The following ANO6 variants were observed in gnomAD, a reference collection of about 807,000 sequenced individuals.
ANO6 encodes the protein anoctamin-6.
In ANO6, 106 loss-of-function variants were observed where a neutral mutation model predicts 117.5. The ratio of observed to expected loss-of-function variants is 0.90; its 90% confidence interval spans 0.77 to 1.06. ANO6 has a LOEUF of 1.06. Ranked by LOEUF, ANO6 falls within the 50% of genes least tolerant of loss-of-function variation. The pLI, the probability that ANO6 is intolerant of heterozygous loss-of-function variation, is 0.00. For missense variants in ANO6, 955 were observed against 1,121.1 expected (o/e 0.85, Z 2.12); for synonymous variants, 367 against 385.1 (o/e 0.95, Z 0.55).
chr12:45,249,200 G>C (rs1947867302), intron 1 of ANO6, among the ~76,000 whole-genome samples: 1 of 152,160 alleles, frequency 6.6e-6, no homozygotes, highest in Non-Finnish European at 1.5e-5. Context: ...AGTTTGAACT[G>C]AAACTGCAGC....
At chr12:45,239,664 G>C (rs977723934) in intron 1 of ANO6, among the ~76,000 whole-genome samples, 1 of 152,060 alleles carries the variant, frequency 6.6e-6, no homozygotes, top group Admixed American at 6.6e-5. Context: ...GATCTTTCCT[G>C]CTTTCTCTTG....
chr12:45,275,814 T>A (rs1938537194), intron 1 of ANO6, among the ~76,000 whole-genome samples: 1 of 152,220 alleles, frequency 6.6e-6, no homozygotes, highest in Non-Finnish European at 1.5e-5. Flanking sequence ...CCTTCATTAC[T>A]TGGCCTCCTG....
chr12:45,295,427 G>A (rs1212918839), intron 1 of ANO6, among the ~76,000 whole-genome samples: 1 of 152,238 alleles, frequency 6.6e-6, no homozygotes, highest in Non-Finnish European at 1.5e-5. Flanking sequence ...GAGCAGCGGG[G>A]CGGGGATAGA....
At chr12:45,378,170 G>A in intron 10 of ANO6, 57 bp downstream of exon 10, 2 of 1,514,946 alleles carry the variant, frequency 1.3e-6, no homozygotes, top group Non-Finnish European at 1.8e-6. Flanking sequence ...ACAGTTTTAT[G>A]TAGGCTATCA....
In ANO6 at chr12:45,291,551, C is replaced by T. The variant is rs566913291; in HGVS notation, c.71-10463C>T. On this transcript the variant is annotated intron_variant, in intron 1 of 19. Coordinates refer to ENST00000320560, the MANE Select transcript of ANO6 (RefSeq NM_001025356.3). ...CAGAATGGGAGAAATATTTGGAAAT[C>T]ATGTATCTGATAAGTCTTTAATATC... 2.0e-5 allele frequency among the ~76,000 whole-genome samples: 3 copies of T among 152,066 alleles called. No individual in the cohort carries two copies. In the South Asian group the frequency reaches 6.2e-4, roughly 32 times the overall value.
chr12:45,275,836 A>C (rs1938537896), intron 1 of ANO6, among the ~76,000 whole-genome samples: 1 of 152,108 alleles, frequency 6.6e-6, no homozygotes, highest in African/African-American at 2.4e-5. Flanking sequence ...GAATGTTGAG[A>C]ATTCTTCATG....
At chr12:45,262,107 GGGAAATA>G (rs1319807501) in intron 1 of ANO6, among the ~76,000 whole-genome samples, 2 of 151,958 alleles carry the variant, frequency 1.3e-5, no homozygotes, top group Non-Finnish European at 2.9e-5. Context: ...TAGAAATTTT[GGGAAATA>G]CAGAAAACTG....
At chr12:45,369,603 A>C (rs1475241254) in intron 9 of ANO6, among the ~76,000 whole-genome samples, 2 of 152,180 alleles carry the variant, frequency 1.3e-5, no homozygotes, top group Admixed American at 1.3e-4. Context: ...ATGAAAGAAT[A>C]TAAGTAAGGG....
intron 1 of ANO6, among the ~76,000 whole-genome samples, chr12:45,285,860 A>G (rs187920041): frequency 7.2e-5 from 11 of 152,328 alleles, no homozygotes; most frequent in Non-Finnish European, 1.6e-4. Flanking sequence ...CCTGTGGCAC[A>G]GGGCCAGGTG....
intron 19 of ANO6, among the ~76,000 whole-genome samples, chr12:45,425,937 T>C (rs1171632784): frequency 6.6e-6 from 1 of 152,212 alleles, no homozygotes; most frequent in Admixed American, 6.5e-5. Flanking sequence ...CTTAACATCC[T>C]TATTAGGCTC....
chr12:45,354,001 G>T (rs1191105969), intron 7 of ANO6, among the ~76,000 whole-genome samples: 1 of 152,156 alleles, frequency 6.6e-6, no homozygotes, highest in Non-Finnish European at 1.5e-5. Flanking sequence ...GATCAGTCCA[G>T]GCCGGTACAA....
chr12:45,219,302 G>A (rs1394995699), intron 1 of ANO6, among the ~76,000 whole-genome samples: 1 of 152,018 alleles, frequency 6.6e-6, no homozygotes, highest in Non-Finnish European at 1.5e-5. Context: ...TAAACAGTGG[G>A]TTCCTGCTTA....
At chr12:45,403,032 C>A in intron 13 of ANO6, 40 bp from the exon 14 acceptor site, 2 of 1,593,980 alleles carry the variant, frequency 1.3e-6, no homozygotes, top group South Asian at 2.2e-5. Context: ...CAAAGCTGTT[C>A]ACAATTTTAA....
Position 45,421,287 on chromosome 12 carries a change from T to G in ANO6, c.2420+14T>G. The G allele has an allele frequency of 6.2e-7, 1 of 1,612,694 alleles. No homozygotes were observed. Among genetic ancestry groups the G allele is most frequent in the Non-Finnish European group, 8.5e-7 (1 of 1,178,978 alleles). ...TACCACATGCAGGCAAGTTCTGCTT[T>G]ACTTGTTTAAAAATGCACTTCATCT... On this transcript the variant is annotated intron_variant, in intron 18 of 19. Coordinates refer to ENST00000320560, the MANE Select transcript of ANO6 (RefSeq NM_001025356.3).
At position 45,350,666 on chromosome 12, in the gene ANO6, T is replaced by TCCG; in HGVS notation, c.759_761dup (p.Arg254dup). 1 of 1,613,604 alleles carries TCCG rather than the reference T, an allele frequency of 6.2e-7. No homozygotes were observed. Among genetic ancestry groups the TCCG allele is most frequent in the South Asian group, 1.1e-5 (1 of 91,026 alleles). On this transcript the variant is annotated inframe_insertion, in exon 7 of 20. Coordinates refer to ENST00000320560, the MANE Select transcript of ANO6 (RefSeq NM_001025356.3). ...TTCCCTTCTGCGTCACAGTGCAAAT[T>TCCG]CCGCCGTCAGTCAGAGGATCCCAGC...
intron 1 of ANO6, among the ~76,000 whole-genome samples, chr12:45,221,695 A>C (rs1311168631): frequency 4.5e-4 from 69 of 152,114 alleles, no homozygotes; most frequent in Admixed American, 4.4e-3. Context: ...TGGAATAGAG[A>C]AGAATGGGTC....
chr12:45,376,180 A>G (rs916206868), intron 9 of ANO6, among the ~76,000 whole-genome samples: 8 of 148,728 alleles, frequency 5.4e-5, no homozygotes, highest in African/African-American at 1.3e-4. Flanking sequence ...TAGAATGGCA[A>G]TCATTAAAAA....
At chr12:45,404,772 T>C (rs1162057390) in intron 15 of ANO6, among the ~76,000 whole-genome samples, 2 of 152,176 alleles carry the variant, frequency 1.3e-5, no homozygotes, top group Non-Finnish European at 2.9e-5. Flanking sequence ...TCCCACTATA[T>C]AGCTGGGAAT....
chr12:45,361,517 T>G (rs1016531101), intron 8 of ANO6, among the ~76,000 whole-genome samples: 9 of 152,110 alleles, frequency 5.9e-5, no homozygotes, highest in Non-Finnish European at 1.3e-4. Context: ...CTTTCCAATT[T>G]GGAGGACTTT....
Sources: allele counts gnomAD v4.1 joint callset (sites outside exome capture counted in the v4.1 genomes callset), GRCh38; gene constraint gnomAD v4.1.1; transcripts MANE v1.5; gene names NCBI Gene and HGNC (gene_info 2026-07-23, HGNC 2026-07-21).